DNAH3: variants seen among roughly 807,000 people sequenced by gnomAD.
DNAH3 encodes dynein axonemal heavy chain 3, also known as axonemal beta dynein heavy chain 3.
A neutral mutation model predicts 432.5 loss-of-function variants in DNAH3; 332 were observed. That is an observed-to-expected ratio of 0.77 (90% confidence interval 0.70 to 0.84). The LOEUF (loss-of-function observed/expected upper bound fraction) is 0.84, where lower values mean the gene tolerates loss of function less well. Ranked by LOEUF, DNAH3 falls within the 40% of genes least tolerant of loss-of-function variation. The probability of loss-of-function intolerance (pLI) is 0.00; values close to 1 mark genes in which losing one functional copy is unlikely to be tolerated. For synonymous variants in DNAH3, 1,956 were observed against 1,900.2 expected (o/e 1.03, Z -0.76); for missense variants, 4,861 against 5,114.0 (o/e 0.95, Z 1.51).
At chr16:21,134,101 T>G in intron 7 of DNAH3, 158 bp downstream of exon 8, 1 of 661,400 alleles carries the variant, frequency 1.5e-6, no homozygotes, top group Non-Finnish European at 2.5e-6. Context: ...CAAGGAAAGG[T>G]GTCACTTATA....
chr16:21,105,317 GTTA>G (rs1243473852), intron 15 of DNAH3, among the ~76,000 whole-genome samples: 1 of 152,154 alleles, frequency 6.6e-6, no homozygotes, highest in Admixed American at 6.6e-5. Context: ...TTGTTGAGAG[GTTA>G]TTAACTTTTC....
At chr16:20,960,732 G>C (rs969165838) in intron 53 of DNAH3, among the ~76,000 whole-genome samples, 2 of 152,026 alleles carry the variant, frequency 1.3e-5, no homozygotes, top group Non-Finnish European at 2.9e-5. Flanking sequence ...AACAAAAGGC[G>C]GCCAAGGCCA....
chr16:20,961,821 G>A (rs1472821722), intron 53 of DNAH3, among the ~76,000 whole-genome samples: 3 of 137,794 alleles, frequency 2.2e-5, no homozygotes, highest in South Asian at 2.3e-4. Context: ...GGAGTGCAAT[G>A]GCATGATCTT....
chr16:21,104,412 G>A, intron 16 of DNAH3, 59 bp downstream of exon 16: 1 of 1,476,440 alleles, frequency 6.8e-7, no homozygotes, highest in Non-Finnish European at 9.5e-7. Flanking sequence ...CCAGGAACCT[G>A]CAGCATGGGT....
chr16:21,130,788 A>G (rs1323505200), intron 7 of DNAH3, among the ~76,000 whole-genome samples: 1 of 152,216 alleles, frequency 6.6e-6, no homozygotes, highest in Non-Finnish European at 1.5e-5. Context: ...AGATCAATTT[A>G]AACTCAGGTA....
chr16:21,074,377 T>C (rs1862270), intron 21 of DNAH3, among the ~76,000 whole-genome samples: 103,418 of 151,986 alleles, frequency 0.68, 35,701 homozygotes, highest in East Asian at 1. Context: ...TTTAAAGCAT[T>C]CCAGATGATT....
intron 41 of DNAH3, among the ~76,000 whole-genome samples, chr16:21,016,095 T>A (rs532695619): frequency 5.8e-4 from 89 of 152,294 alleles, no homozygotes; most frequent in African/African-American, 1.9e-3. Flanking sequence ...GGCCGAGATA[T>A]GATTTTCATA....
Position 21,145,691 on chromosome 16 carries a change from C to T in DNAH3, c.223-285G>A, listed in dbSNP as rs190637623. 6.6e-5 allele frequency among the ~76,000 whole-genome samples: 10 copies of T among 152,254 alleles called. No individual in the cohort carries two copies. In the East Asian group the frequency reaches 1.7e-3, roughly 26 times the overall value. Reference sequence around the variant, plus strand: ...TCCTTATGGACATGACTACAAGGTACAAGCAATTACCCTCATTTTACAATG... The same window carrying T: ...TCCTTATGGACATGACTACAAGGTATAAGCAATTACCCTCATTTTACAATG... On this transcript the variant is annotated intron_variant, in intron 2 of 61. Coordinates refer to ENST00000261383, the Ensembl canonical transcript of DNAH3.
intron 20 of DNAH3, among the ~76,000 whole-genome samples, chr16:21,077,116 C>G (rs2091002480): frequency 6.6e-6 from 1 of 152,122 alleles, no homozygotes; most frequent in African/African-American, 2.4e-5. Flanking sequence ...AATAAGACCT[C>G]TTCTTTCCAT....
intron 16 of DNAH3, among the ~76,000 whole-genome samples, chr16:21,100,185 C>T (rs1377696050): frequency 6.6e-6 from 1 of 152,136 alleles, no homozygotes; most frequent in Admixed American, 6.6e-5. Flanking sequence ...GATTCTCCAG[C>T]CACAGCCTCC....
At chr16:20,973,841 G>T (rs192201809) in intron 51 of DNAH3, among the ~76,000 whole-genome samples, 1 of 152,096 alleles carries the variant, frequency 6.6e-6, no homozygotes. Flanking sequence ...GGAGACGAAG[G>T]AAACAGCCAT....
intron 51 of DNAH3, among the ~76,000 whole-genome samples, chr16:20,972,739 A>ATTTTTTTTTTTTTTTTTTTTTTTTTT (rs34245316): frequency 1.0e-5 from 1 of 95,976 alleles, no homozygotes; most frequent in African/African-American, 4.6e-5. Context: ...ATGCCCCGTG[A>ATTTTTTTTTTTTTTTTTTTTTTTTTT]TTTTTTTTTT....
intron 31 of DNAH3, among the ~76,000 whole-genome samples, 160 bp from the exon 32 acceptor site, chr16:21,042,363 A>G (rs2089483363): frequency 6.6e-6 from 1 of 152,114 alleles, no homozygotes; most frequent in Non-Finnish European, 1.5e-5. Flanking sequence ...TTGGTAAGAA[A>G]AAAGAATATA....
exon 48 of DNAH3, chr16:20,985,595 T>G (rs764378500): frequency 6.2e-7 from 1 of 1,614,124 alleles, no homozygotes; most frequent in Non-Finnish European, 8.5e-7. Context: ...GTCAGCTGTT[T>G]CAGGTCAGTG....
chr16:20,964,244 TCTC>T (rs1434923798), exon 53 of DNAH3: 1 of 1,614,136 alleles, frequency 6.2e-7, no homozygotes, highest in Admixed American at 1.7e-5. Context: ...AGCTCTGGCT[TCTC>T]CTTCGCAGCC....
intron 12 of DNAH3, among the ~76,000 whole-genome samples, chr16:21,116,707 G>C (rs1386862253): frequency 2.6e-5 from 4 of 152,084 alleles, no homozygotes; most frequent in African/African-American, 9.7e-5. Flanking sequence ...ACTGATTCTC[G>C]ATCCCCAAAT....
intron 18 of DNAH3, among the ~76,000 whole-genome samples, chr16:21,090,282 T>C (rs182218002): frequency 6.6e-6 from 1 of 151,358 alleles, no homozygotes; most frequent in Admixed American, 6.6e-5. Flanking sequence ...AAAACCTGTA[T>C]AATCTCATCT....
intron 32 of DNAH3, 61 bp downstream of exon 32, chr16:21,041,965 AC>A: frequency 6.3e-7 from 1 of 1,595,308 alleles, no homozygotes; most frequent in Non-Finnish European, 8.6e-7. Context: ...GAGCCGCCAC[AC>A]CCGGCCCAGA....
At chr16:21,081,303 A>G (rs1218054620) in intron 20 of DNAH3, among the ~76,000 whole-genome samples, 1 of 152,038 alleles carries the variant, frequency 6.6e-6, no homozygotes, top group Non-Finnish European at 1.5e-5. Context: ...AAGAAGAGGA[A>G]ACCGAGGCAC....
Sources: allele counts gnomAD v4.1 joint callset (sites outside exome capture counted in the v4.1 genomes callset), GRCh38; gene constraint gnomAD v4.1.1; transcripts MANE v1.5; gene names NCBI Gene and HGNC (gene_info 2026-07-23, HGNC 2026-07-21).